Variants in HNF4G observed in about 807,000 individuals in gnomAD.
HNF4G encodes hepatocyte nuclear factor 4 gamma, also known as hepatocyte nuclear factor 4-gamma.
HNF4G carries 21 observed loss-of-function variants against 50.9 expected under a neutral mutation model. The observed-to-expected ratio is 0.41, with a 90% CI of 0.29 to 0.59. The LOEUF (loss-of-function observed/expected upper bound fraction) is 0.59, where lower values mean the gene tolerates loss of function less well. Among genes scored for constraint, HNF4G ranks in the 20% least tolerant of loss-of-function variants. The probability of loss-of-function intolerance (pLI) is 0.26; values close to 1 mark genes in which losing one functional copy is unlikely to be tolerated. For synonymous variants in HNF4G, 198 were observed against 185.6 expected (o/e 1.07, Z -0.54); for missense variants, 527 against 559.4 (o/e 0.94, Z 0.58).
rs369338692 is a variant in HNF4G at position 75,562,952 on chromosome 8, C to T, written c.1247-1023C>T. 3.3e-5 allele frequency among the ~76,000 whole-genome samples: 5 copies of T among 152,218 alleles called. No homozygotes were observed. The East Asian group carries it at 7.7e-4, about 23-fold the overall frequency. ...AAAGCAGATTTTGATATTGATTTGT[C>T]ATTTAAACTGCACTTAAAAATTTTG... On this transcript the variant is annotated intron_variant, in intron 9 of 9. Coordinates refer to ENST00000396423, the MANE Select transcript of HNF4G (RefSeq NM_004133.5).
intron 4 of HNF4G, among the ~76,000 whole-genome samples, chr8:75,552,557 G>A (rs770385980): frequency 6.6e-6 from 1 of 151,964 alleles, no homozygotes; most frequent in Non-Finnish European, 1.5e-5. Context: ...TCCTTTTAAT[G>A]CAGCGAGACA....
At chr8:75,532,741 C>T (rs1806361984) in intron 2 of HNF4G, among the ~76,000 whole-genome samples, 1 of 152,042 alleles carries the variant, frequency 6.6e-6, no homozygotes, top group Admixed American at 6.6e-5. Flanking sequence ...TTTGCAACTT[C>T]CCACTGAAAT....
intron 1 of HNF4G, among the ~76,000 whole-genome samples, chr8:75,543,514 A>G (rs1026018572): frequency 1.3e-5 from 2 of 152,188 alleles, no homozygotes; most frequent in Admixed American, 1.3e-4. Flanking sequence ...CTAGAGATAA[A>G]ATATTGGAAT....
intron 1 of HNF4G, among the ~76,000 whole-genome samples, chr8:75,441,983 TA>T (rs750633136): frequency 4.7e-4 from 71 of 152,298 alleles, no homozygotes; most frequent in Admixed American, 9.2e-4. Flanking sequence ...AGAAAATAAA[TA>T]AAGCATTCTT....
intron 1 of HNF4G, among the ~76,000 whole-genome samples, chr8:75,461,907 A>AATAT (rs141224779): frequency 1.1e-3 from 31 of 28,952 alleles, no homozygotes; most frequent in Non-Finnish European, 2.1e-3. Context: ...TATAAATATA[A>AATAT]ATATATATAT....
chr8:75,534,002 A>C (rs1806396550), intron 2 of HNF4G, among the ~76,000 whole-genome samples: 1 of 151,902 alleles, frequency 6.6e-6, no homozygotes, highest in South Asian at 2.1e-4. Context: ...TCTAAATTGC[A>C]CTCAGCATAG....
At chr8:75,550,823 G>C (rs572469747) in intron 3 of HNF4G, among the ~76,000 whole-genome samples, 105 of 152,056 alleles carry the variant, frequency 6.9e-4, no homozygotes, top group Non-Finnish European at 1.3e-3. Flanking sequence ...TTTCTCAGGA[G>C]AGACTGCTCC....
intron 4 of HNF4G, 78 bp from the exon 5 acceptor site, chr8:75,552,964 T>C (rs1396266106): frequency 3.0e-6 from 3 of 992,028 alleles, no homozygotes; most frequent in South Asian, 1.7e-5. Flanking sequence ...CCTTTACTTA[T>C]CATAGTCAAA....
chr8:75,488,391 A>G (rs1022095976), intron 1 of HNF4G, among the ~76,000 whole-genome samples: 6 of 151,842 alleles, frequency 4.0e-5, no homozygotes, highest in African/African-American at 1.5e-4. Flanking sequence ...CTTCTGCCTC[A>G]GCCTCCTGAG....
intron 9 of HNF4G, among the ~76,000 whole-genome samples, chr8:75,561,363 T>C (rs984000716): frequency 2.0e-5 from 3 of 152,216 alleles, no homozygotes; most frequent in African/African-American, 7.2e-5. Flanking sequence ...TTATGTTTTA[T>C]TTGTATGTCA....
At chr8:75,411,450 A>G (rs1362995191) in intron 1 of HNF4G, among the ~76,000 whole-genome samples, 1 of 152,232 alleles carries the variant, frequency 6.6e-6, no homozygotes, top group Non-Finnish European at 1.5e-5. Context: ...TTACCTACTC[A>G]TTATGGGTAG....
At chr8:75,475,255 G>T (rs553908365) in intron 1 of HNF4G, among the ~76,000 whole-genome samples, 2 of 152,014 alleles carry the variant, frequency 1.3e-5, no homozygotes, top group East Asian at 1.9e-4. Flanking sequence ...TGATCTGCCC[G>T]CCTGGGCCTC....
At chr8:75,559,865 AC>A (rs1477283778) in intron 8 of HNF4G, among the ~76,000 whole-genome samples, 1 of 152,198 alleles carries the variant, frequency 6.6e-6, no homozygotes, top group Non-Finnish European at 1.5e-5. Context: ...TTGTTGCAAT[AC>A]ATGTCAGGAA....
At chr8:75,508,025 A>T (rs2977907) in intron 2 of HNF4G, among the ~76,000 whole-genome samples, 20,542 of 152,092 alleles carry the variant, frequency 0.14, 2,050 homozygotes, top group African/African-American at 0.28. Flanking sequence ...TTTTGAAAAA[A>T]AAAAGATAAA....
chr8:75,508,622 C>T (rs1805666945), intron 2 of HNF4G, among the ~76,000 whole-genome samples: 1 of 152,100 alleles, frequency 6.6e-6, no homozygotes, highest in Non-Finnish European at 1.5e-5. Context: ...TAGAATCTAG[C>T]TGAAAGCACA....
chr8:75,494,491 G>T (rs1338957255), intron 2 of HNF4G, among the ~76,000 whole-genome samples: 1 of 152,148 alleles, frequency 6.6e-6, no homozygotes, highest in Non-Finnish European at 1.5e-5. Context: ...TTTAATTTGT[G>T]ACCATTGAGA....
At chr8:75,454,621 A>G (rs767239262) in intron 1 of HNF4G, among the ~76,000 whole-genome samples, 3 of 152,160 alleles carry the variant, frequency 2.0e-5, no homozygotes, top group Non-Finnish European at 4.4e-5. Flanking sequence ...TGTGCTTGCC[A>G]CAGAAGGCCT....
intron 2 of HNF4G, among the ~76,000 whole-genome samples, chr8:75,546,364 A>G (rs1806777381): frequency 6.6e-6 from 1 of 152,054 alleles, no homozygotes; most frequent in South Asian, 2.1e-4. Flanking sequence ...CAGAGACTGT[A>G]CTCTTTTTTA....
intron 4 of HNF4G, among the ~76,000 whole-genome samples, chr8:75,551,728 T>C (rs1460945791): frequency 3.3e-5 from 5 of 152,240 alleles, no homozygotes; most frequent in South Asian, 4.1e-4. Flanking sequence ...CAGTCTAAGA[T>C]TGTTTTTTAA....
Sources: gnomAD v4.1 joint callset for allele counts (sites outside exome capture counted in the v4.1 genomes callset) on GRCh38, gnomAD v4.1.1 for gene constraint, MANE v1.5 for transcripts, NCBI Gene and HGNC (gene_info 2026-07-23, HGNC 2026-07-21) for gene names.